The following N4BP1 variants were observed in gnomAD, a reference collection of about 807,000 sequenced individuals.
N4BP1 encodes NEDD4 binding protein 1, also known as NEDD4-binding protein 1.
N4BP1 carries 21 observed loss-of-function variants against 70.9 expected under a neutral mutation model. The observed-to-expected ratio is 0.30, with a 90% CI of 0.21 to 0.43. N4BP1 has a LOEUF of 0.43. Ranked by LOEUF, N4BP1 falls within the 20% of genes least tolerant of loss-of-function variation. The pLI is 1.00. For missense variants in N4BP1, 936 were observed against 1,069.4 expected (o/e 0.88, Z 1.74); for synonymous variants, 387 against 394.6 (o/e 0.98, Z 0.23).
rs1292736880 is a variant in N4BP1 at position 48,609,996 on chromosome 16, GCGCCGGGGGCCGGCGGCGGCGA to G, written c.-46_-25del. ...ATGGCGGGCGCGGCCTCCCGCGGCGGCGCCGGGGGCCGGCGGCGGCGACGCCCCCTCAGCTTGCTGCCGCTGC... is the reference window on the plus strand; with the variant it reads ...ATGGCGGGCGCGGCCTCCCGCGGCGGCGCCCCCTCAGCTTGCTGCCGCTGC... On this transcript the variant is annotated 5_prime_UTR_variant, in exon 1 of 7. Transcript: ENST00000262384. 9.5e-6 allele frequency: 11 copies of G among 1,161,618 alleles called. No individual in the cohort carries two copies. The highest frequency in any genetic ancestry group is 1.2e-5 in the Non-Finnish European group (11 of 943,344). The allele number at this position is 1,161,618 out of a possible 1,614,324, so 72.0% of individuals were successfully genotyped here. A position where few individuals can be genotyped will look rare whatever the true frequency, so the allele number is the denominator to read the frequency against.
intron 1 of N4BP1, among the ~76,000 whole-genome samples, chr16:48,585,389 C>A (rs1286086989): frequency 6.6e-6 from 1 of 151,506 alleles, no homozygotes; most frequent in East Asian, 1.9e-4. Context: ...GTAATCCCAG[C>A]AATTTGGGAG....
Position 48,561,440 on chromosome 16 carries a change from T to G in N4BP1, c.1203A>C (p.Thr401=). 1 of 1,612,442 alleles carries G rather than the reference T, an allele frequency of 6.2e-7. No individual in the cohort carries two copies. Among genetic ancestry groups the G allele is most frequent in the East Asian group, 2.2e-5 (1 of 44,874 alleles). Residue 401 remains threonine, a synonymous_variant, in exon 2 of 7, where the codon ACA becomes ACC. Coordinates refer to ENST00000262384, the MANE Select transcript of N4BP1 (RefSeq NM_153029.4). ...TGGTTTTGTTGGTCTCTGGATACAC[T>G]GTACCAGCTGAAAATTCTCTGTCTT... ...FQEDREFSAG[T]VYPETNKTKN...
chr16:48,546,295 C>T (rs1398324457), intron 5 of N4BP1, 41 bp from the exon 6 acceptor site: 10 of 1,438,348 alleles, frequency 7.0e-6, no homozygotes, highest in Non-Finnish European at 1.9e-6. Context: ...ACAGGGTCCT[C>T]ACTGCCCAGG....
chr16:48,579,766 A>G (rs760557842), intron 1 of N4BP1, among the ~76,000 whole-genome samples: 11 of 152,208 alleles, frequency 7.2e-5, no homozygotes, highest in Non-Finnish European at 1.6e-4. Flanking sequence ...GAAGGGATGG[A>G]AAAAGGTATT....
At chr16:48,573,318 A>G (rs9938308) in intron 1 of N4BP1, among the ~76,000 whole-genome samples, 61,641 of 151,762 alleles carry the variant, frequency 0.41, 13,521 homozygotes, top group African/African-American at 0.57. Flanking sequence ...CAGGCTGGGC[A>G]CAGTGGCTCA....
At chr16:48,575,894 C>A (rs570031141) in intron 1 of N4BP1, among the ~76,000 whole-genome samples, 1 of 152,194 alleles carries the variant, frequency 6.6e-6, no homozygotes, top group East Asian at 1.9e-4. Flanking sequence ...TCCACCATGG[C>A]ACAACATAAG....
chr16:48,549,599 C>G (rs1359480496), intron 4 of N4BP1, among the ~76,000 whole-genome samples: 1 of 152,216 alleles, frequency 6.6e-6, no homozygotes, highest in Non-Finnish European at 1.5e-5. Context: ...TACTTCTCAC[C>G]TATCCCCCCC....
intron 1 of N4BP1, among the ~76,000 whole-genome samples, chr16:48,595,249 G>A (rs559842145): frequency 4.0e-4 from 60 of 151,838 alleles, no homozygotes; most frequent in Non-Finnish European, 8.2e-4. Flanking sequence ...ATCATTTGAG[G>A]CCAGGAGTTC....
At chr16:48,598,058 A>G (rs1964443773) in intron 1 of N4BP1, among the ~76,000 whole-genome samples, 1 of 152,144 alleles carries the variant, frequency 6.6e-6, no homozygotes, top group Non-Finnish European at 1.5e-5. Flanking sequence ...CCCTCTATAA[A>G]TGCCAAGTGG....
chr16:48,581,362 C>G (rs1227187558), intron 1 of N4BP1, among the ~76,000 whole-genome samples: 3 of 151,928 alleles, frequency 2.0e-5, no homozygotes, highest in Non-Finnish European at 4.4e-5. Flanking sequence ...AGATCTGGAA[C>G]AAGACAAAGA....
chr16:48,598,273 A>G (rs1244230765), intron 1 of N4BP1, among the ~76,000 whole-genome samples: 3 of 152,222 alleles, frequency 2.0e-5, no homozygotes, highest in African/African-American at 7.2e-5. Context: ...CAAAACCACA[A>G]AATTCAGGAA....
At position 48,541,881 on chromosome 16, in the gene N4BP1, GCTA is replaced by G. The variant is rs1349392775; in HGVS notation, c.*1020_*1022del. On this transcript the variant is annotated 3_prime_UTR_variant, in exon 7 of 7. Coordinates refer to ENST00000262384, the MANE Select transcript of N4BP1 (RefSeq NM_153029.4). ...GGGGCTCTGGGATCCCCCCACAGAA[GCTA>G]CTAATGCTATTTATTGGCTTGGGTC... 6.6e-6 allele frequency: 1 copy of G among 152,656 alleles called. No homozygotes were observed. The highest frequency in any genetic ancestry group is 1.5e-5 in the Non-Finnish European group (1 of 68,048). 9.5% of individuals were successfully genotyped at this position (152,656 alleles called of 1,614,324 possible).
intron 1 of N4BP1, among the ~76,000 whole-genome samples, chr16:48,608,889 T>C (rs998977968): frequency 6.6e-6 from 1 of 151,822 alleles, no homozygotes; most frequent in South Asian, 2.1e-4. Flanking sequence ...TTGTAGGTAA[T>C]ATCAATACAA....
chr16:48,579,267 T>C (rs769305887), intron 1 of N4BP1, among the ~76,000 whole-genome samples: 5 of 152,136 alleles, frequency 3.3e-5, no homozygotes, highest in Non-Finnish European at 7.3e-5. Context: ...ATCAATGATG[T>C]GGTTAACATT....
intron 3 of N4BP1, among the ~76,000 whole-genome samples, chr16:48,552,416 T>A (rs762001991): frequency 7.2e-5 from 11 of 152,016 alleles, no homozygotes; most frequent in Non-Finnish European, 1.5e-4. Context: ...AGAGACTCCT[T>A]CGGCAGGGCG....
intron 1 of N4BP1, among the ~76,000 whole-genome samples, 169 bp downstream of exon 1, chr16:48,609,606 T>C (rs913699439): frequency 9.9e-5 from 15 of 152,188 alleles, no homozygotes; most frequent in Non-Finnish European, 2.9e-5. Context: ...ATCAAGCCGC[T>C]ATCCAAGGTC....
chr16:48,556,866 G>A (rs1963761676), intron 2 of N4BP1, among the ~76,000 whole-genome samples: 1 of 152,204 alleles, frequency 6.6e-6, no homozygotes, highest in African/African-American at 2.4e-5. Context: ...ATTCTGGCAA[G>A]GGAAGGGGCA....
chr16:48,574,085 GAACA>G (rs1405951034), intron 1 of N4BP1, among the ~76,000 whole-genome samples: 2 of 152,142 alleles, frequency 1.3e-5, no homozygotes, highest in Non-Finnish European at 2.9e-5. Flanking sequence ...GTAACCATCA[GAACA>G]AACAGCTAAA....
At chr16:48,589,561 G>GTA (rs1002528978) in intron 1 of N4BP1, among the ~76,000 whole-genome samples, 1 of 152,062 alleles carries the variant, frequency 6.6e-6, no homozygotes, top group Non-Finnish European at 1.5e-5. Context: ...TATAACCTTT[G>GTA]TAACAGCCTT....
Sources: gnomAD v4.1 joint callset for allele counts (sites outside exome capture counted in the v4.1 genomes callset) on GRCh38, gnomAD v4.1.1 for gene constraint, MANE v1.5 for transcripts, NCBI Gene and HGNC (gene_info 2026-07-23, HGNC 2026-07-21) for gene names.